Variants in PCM1 observed in about 807,000 individuals in gnomAD.
PCM1 encodes pericentriolar material 1, also known as pericentriolar material 1 protein.
PCM1 carries 157 observed loss-of-function variants against 241.9 expected under a neutral mutation model. The observed-to-expected ratio is 0.65, with a 90% CI of 0.57 to 0.74. PCM1 has a LOEUF of 0.74. Among genes scored for constraint, PCM1 ranks in the 30% least tolerant of loss-of-function variants. PCM1 has a pLI of 0.00. For missense variants in PCM1, 3,478 were observed against 2,360.1 expected (o/e 1.47, Z -9.81); for synonymous variants, 1,085 against 784.9 (o/e 1.38, Z -6.39).
At chr8:18,007,649 G>A (rs925017843) in intron 30 of PCM1, among the ~76,000 whole-genome samples, 11 of 152,050 alleles carry the variant, frequency 7.2e-5, no homozygotes, top group African/African-American at 2.4e-4. Context: ...TTTCACAAGA[G>A]GACATACATG....
At chr8:18,009,993 T>C (rs1390852941) in intron 31 of PCM1, among the ~76,000 whole-genome samples, 2 of 152,182 alleles carry the variant, frequency 1.3e-5, no homozygotes, top group African/African-American at 4.8e-5. Context: ...CCAGTTCACA[T>C]TATTGTCCTG....
intron 29 of PCM1, among the ~76,000 whole-genome samples, chr8:17,995,534 T>A (rs1474901213): frequency 6.6e-6 from 1 of 151,488 alleles, no homozygotes; most frequent in South Asian, 2.1e-4. Context: ...TTGCTCAAGA[T>A]AGCTTTGGCT....
intron 36 of PCM1, among the ~76,000 whole-genome samples, chr8:18,018,879 T>TATATATACAC (rs1417714546): frequency 2.8e-5 from 1 of 35,546 alleles, no homozygotes; most frequent in African/African-American, 8.4e-5. Flanking sequence ...TATATATATA[T>TATATATACAC]ACACACACAT....
At chr8:17,926,509 T>C (rs1341924287) in intron 2 of PCM1, 3 of 152,200 alleles carry the variant, frequency 2.0e-5, no homozygotes, top group African/African-American at 7.2e-5. Context: ...TCTATGTGTA[T>C]GTAGAGTGTA....
chr8:18,000,839 C>G (rs2089127805), intron 29 of PCM1, among the ~76,000 whole-genome samples: 1 of 152,128 alleles, frequency 6.6e-6, no homozygotes, highest in East Asian at 1.9e-4. Flanking sequence ...ACCACGCTGA[C>G]CTCAAGTGAT....
intron 2 of PCM1, chr8:17,927,401 C>G (rs1276962431): frequency 6.6e-6 from 1 of 152,010 alleles, no homozygotes; most frequent in Non-Finnish European, 1.5e-5. Context: ...AAGTGTGAGC[C>G]ACTGCACCCA....
intron 13 of PCM1, among the ~76,000 whole-genome samples, chr8:17,958,573 G>T (rs1369924570): frequency 1.3e-5 from 2 of 151,858 alleles, no homozygotes; most frequent in Non-Finnish European, 2.9e-5. Flanking sequence ...TAAAGGTGTT[G>T]TGTATATATA....
chr8:17,953,985 C>G (rs1216357539), intron 9 of PCM1, among the ~76,000 whole-genome samples: 1 of 152,212 alleles, frequency 6.6e-6, no homozygotes, highest in African/African-American at 2.4e-5. Context: ...TCCTTATTCT[C>G]CACCTATCTC....
chr8:17,956,646 A>G lies in PCM1; in HGVS notation c.1515A>G (p.Glu505=), dbSNP rs1407140954. 1 of 1,600,598 alleles carries G rather than the reference A, an allele frequency of 6.2e-7. No individual in the cohort carries two copies. Among genetic ancestry groups the G allele is most frequent in the Non-Finnish European group, 8.5e-7 (1 of 1,171,104 alleles). Residue 505 remains glutamate (E), a synonymous_variant, in exon 11 of 39, where the codon GAA becomes GAG. Coordinates refer to ENST00000325083, the MANE Select transcript of PCM1 (RefSeq NM_006197.4). ...GAAAGAGATTGAATGAGCTAAGAGAATTAGTTCATTATTATGAACAAACGT... is the reference window on the plus strand; with the variant it reads ...GAAAGAGATTGAATGAGCTAAGAGAGTTAGTTCATTATTATGAACAAACGT... ...EVRKRLNELR[E]LVHYYEQTSD...
At position 17,986,028 on chromosome 8, in the gene PCM1, A is replaced by C. The variant is rs1306866385; in HGVS notation, c.4351A>C (p.Thr1451Pro). The change falls in exon 26 of 39, where the codon ACT becomes CCT. Residue 1451 changes from threonine (T) to proline (P), a missense_variant. Thr to Pro is a conservative substitution (Grantham distance 38). Coordinates refer to ENST00000325083, the MANE Select transcript of PCM1 (RefSeq NM_006197.4). ...AAATGTAAAGTCAGTAAACTCTGGT[A>C]CTTGGATAGCATCAAACTCAGAACT... ...GENVKSVNSG[T>P]WIASNSELTP... 6.2e-7 allele frequency: 1 copy of C among 1,600,554 alleles called. No homozygotes were observed. Among genetic ancestry groups the C allele is most frequent in the African/African-American group, 1.3e-5 (1 of 74,554 alleles).
In PCM1 at chr8:18,011,384, G is replaced by A; in HGVS notation, c.5350+18G>A. The A allele has an allele frequency of 3.3e-6, 5 of 1,508,676 alleles. No individual in the cohort carries two copies. The highest frequency in any genetic ancestry group is 2.7e-5 in the South Asian group (2 of 74,078). 93.5% of individuals were successfully genotyped at this position (1,508,676 alleles called of 1,614,324 possible). On this transcript the variant is annotated intron_variant, in intron 33 of 38. Coordinates refer to ENST00000325083, the MANE Select transcript of PCM1 (RefSeq NM_006197.4). The stretch of plus-strand genomic sequence containing the variant: ...GTCTATTAGTAAGTTTAAAGGCTCT[G>A]TACTATCTTTATACTTTAGTTTTTT...
At chr8:18,000,997 G>C (rs1471593032) in intron 29 of PCM1, among the ~76,000 whole-genome samples, 1 of 152,192 alleles carries the variant, frequency 6.6e-6, no homozygotes, top group Non-Finnish European at 1.5e-5. Context: ...GCTAATTCCA[G>C]GCACAGCTGG....
intron 36 of PCM1, among the ~76,000 whole-genome samples, chr8:18,018,715 G>A (rs2093455827): frequency 1.3e-5 from 2 of 151,280 alleles, no homozygotes; most frequent in Non-Finnish European, 2.9e-5. Context: ...GGAGACTGAG[G>A]CAGGAGAATC....
At chr8:17,929,493 G>T (rs1329273194) in intron 2 of PCM1, among the ~76,000 whole-genome samples, 1 of 152,170 alleles carries the variant, frequency 6.6e-6, no homozygotes. Context: ...TTTATTGGGT[G>T]TATTATAGGC....
rs780547018 is a variant in PCM1, at chr8:17,962,022, A to T, written c.2323-12A>T. ...TAATTCCTCATAACGTTTTTTGTGA[A>T]TTCCTTTTTAGCTGTCAGCTGCTAG... On this transcript the variant is annotated splice_polypyrimidine_tract_variant and intron_variant, in intron 15 of 38. Transcript: ENST00000325083. 5 of 1,597,570 alleles carry T rather than the reference A, an allele frequency of 3.1e-6. No homozygotes were observed. Among genetic ancestry groups the T allele is most frequent in the Admixed American group, 1.8e-5 (1 of 56,896 alleles).
rs190438617 is a variant in PCM1 at position 17,991,454 on chromosome 8, T to G, written c.4532-88T>G. On this transcript the variant is annotated intron_variant, in intron 27 of 38. Coordinates refer to ENST00000325083, the MANE Select transcript of PCM1 (RefSeq NM_006197.4). Reference sequence around the variant, plus strand: ...TAAAGCTAATTTTCCTCCCTTTTGTTTGGACATTTTTTTATTAATGCATTT... The same window carrying G: ...TAAAGCTAATTTTCCTCCCTTTTGTGTGGACATTTTTTTATTAATGCATTT... The G allele has an allele frequency of 3.1e-5, 36 of 1,143,428 alleles. No homozygotes were observed. In the Admixed American group the frequency reaches 5.2e-4, roughly 16 times the overall value. The allele number at this position is 1,143,428 out of a possible 1,614,324, so 70.8% of individuals were successfully genotyped here.
intron 22 of PCM1, among the ~76,000 whole-genome samples, chr8:17,970,813 A>G (rs1353966303): frequency 2.0e-5 from 3 of 152,166 alleles, no homozygotes; most frequent in South Asian, 2.1e-4. Flanking sequence ...TGAATGTCTA[A>G]TATTATTTTA....
chr8:17,955,750 T>G (rs1033459904), intron 10 of PCM1, 97 bp downstream of exon 10: 42 of 923,170 alleles, frequency 4.5e-5, no homozygotes, highest in Non-Finnish European at 6.4e-5. Context: ...CGAGATTTAT[T>G]TAATATTGTT....
In PCM1 at chr8:17,963,141, A is replaced by G; in HGVS notation, c.2504A>G (p.Glu835Gly). 6.2e-7 allele frequency: 1 copy of G among 1,613,098 alleles called. No homozygotes were observed. Among genetic ancestry groups the G allele is most frequent in the South Asian group, 1.1e-5 (1 of 90,886 alleles). Residue 835 changes from glutamate (E) to glycine (G), a missense_variant, in exon 17 of 39, where the codon GAG (glutamate) becomes GGG (glycine). By Grantham distance (98) the Glu-to-Gly change is moderately conservative. Coordinates refer to ENST00000325083, the MANE Select transcript of PCM1 (RefSeq NM_006197.4). ...EMRRHEMLREELRQRRKQLEA... is the reference protein window; with the variant it reads ...EMRRHEMLREGLRQRRKQLEA... ...AGAAGACATGAAATGTTGAGGGAGG[A>G]GCTGCGACAGAGAAGAAAGCAGCTT...
Sources: allele counts gnomAD v4.1 joint callset (sites outside exome capture counted in the v4.1 genomes callset), GRCh38; gene constraint gnomAD v4.1.1; transcripts MANE v1.5; gene names NCBI Gene and HGNC (gene_info 2026-07-23, HGNC 2026-07-21).